Variants in NEK7 observed in about 807,000 individuals in gnomAD.
NEK7 encodes the protein serine/threonine-protein kinase Nek7.
NEK7 carries 18 observed loss-of-function variants against 44.6 expected under a neutral mutation model. The ratio of observed to expected loss-of-function variants is 0.40; its 90% CI spans 0.28 to 0.60. The LOEUF (loss-of-function observed/expected upper bound fraction) is 0.60. Ranked by LOEUF, NEK7 falls within the 20% of genes least tolerant of loss-of-function variation. The pLI is 0.38. For synonymous variants in NEK7, 130 were observed against 121.1 expected (o/e 1.07, Z -0.48); for missense variants, 256 against 366.5 (o/e 0.70, Z 2.46).
chr1:198,198,290 G>A, intron 1 of NEK7: 1 of 474,120 alleles, frequency 2.1e-6, no homozygotes. Context: ...CCACACACTA[G>A]GTGAAAATGT....
At chr1:198,185,019 C>T (rs12063856) in intron 1 of NEK7, among the ~76,000 whole-genome samples, 3 of 151,968 alleles carry the variant, frequency 2.0e-5, no homozygotes, top group Non-Finnish European at 4.4e-5. Flanking sequence ...TTTTGGGAGT[C>T]TTGTGGCAAG....
intron 1 of NEK7, among the ~76,000 whole-genome samples, chr1:198,205,048 C>G (rs1251329095): frequency 6.6e-6 from 1 of 151,004 alleles, no homozygotes; most frequent in Non-Finnish European, 1.5e-5. Context: ...TCCCCCCTTC[C>G]TTCTTCTCCT....
intron 2 of NEK7, among the ~76,000 whole-genome samples, chr1:198,252,451 A>G (rs1445577957): frequency 6.8e-6 from 1 of 147,558 alleles, no homozygotes; most frequent in Non-Finnish European, 1.5e-5. Context: ...TCTTATCTAA[A>G]AGTTCAGACT....
chr1:198,178,414 A>C (rs1353740892), intron 1 of NEK7, among the ~76,000 whole-genome samples: 12 of 152,052 alleles, frequency 7.9e-5, no homozygotes, highest in Non-Finnish European at 2.9e-5. Flanking sequence ...AAGCCTGCAA[A>C]AATTTGGCCC....
chr1:198,157,708 G>T (rs889931711), intron 1 of NEK7, among the ~76,000 whole-genome samples: 4 of 152,230 alleles, frequency 2.6e-5, no homozygotes, highest in Admixed American at 6.5e-5. Flanking sequence ...TTCGGCAGCA[G>T]CCCGACTTAG....
intron 7 of NEK7, among the ~76,000 whole-genome samples, chr1:198,288,345 G>A (rs1400713822): frequency 1.3e-5 from 2 of 152,242 alleles, no homozygotes; most frequent in Non-Finnish European, 2.9e-5. Flanking sequence ...ATTTAAATCA[G>A]CGTAGCTGCA....
chr1:198,174,150 A>G (rs940557128), intron 1 of NEK7, among the ~76,000 whole-genome samples: 1 of 152,262 alleles, frequency 6.6e-6, no homozygotes, highest in African/African-American at 2.4e-5. Flanking sequence ...GTTCTGAGAT[A>G]TAAAAATATA....
intron 1 of NEK7, among the ~76,000 whole-genome samples, chr1:198,160,035 G>T (rs1938373): frequency 0.15 from 22,590 of 151,606 alleles, 1,847 homozygotes; most frequent in East Asian, 0.23. Context: ...CAATTATTGC[G>T]CATTTACTGA....
chr1:198,216,524 A>G (rs1222425427), intron 1 of NEK7, among the ~76,000 whole-genome samples: 5 of 151,936 alleles, frequency 3.3e-5, no homozygotes, highest in Admixed American at 2.0e-4. Context: ...CCTTCTTCTT[A>G]GAGAGACAAG....
intron 7 of NEK7, among the ~76,000 whole-genome samples, chr1:198,291,443 A>G (rs1174175764): frequency 7.9e-5 from 12 of 152,216 alleles, no homozygotes; most frequent in Admixed American, 7.9e-4. Context: ...TTACACAGTA[A>G]TAATACAGAT....
rs71133919 is a variant in NEK7 at position 198,233,745 on chromosome 1, C to CTT, written c.57+1127_57+1128dup. On this transcript the variant is annotated intron_variant, in intron 2 of 9. Coordinates refer to ENST00000367385, the MANE Select transcript of NEK7 (RefSeq NM_133494.3). Reference sequence around the variant, plus strand: ...TCCAAACTTATTTGTCTATGGGATCCTTTTTTTTTTTTTTTTTTTTAGTGC... The same window carrying CTT: ...TCCAAACTTATTTGTCTATGGGATCCTTTTTTTTTTTTTTTTTTTTTTAGTGC... Among the ~76,000 whole-genome samples, 291 of 121,908 alleles carry CTT rather than the reference C, an allele frequency of 2.4e-3. 1 individual carries two copies. Among genetic ancestry groups the CTT allele is most frequent in the African/African-American group, 8.0e-3 (256 of 32,050 alleles). The allele number at this position is 121,908 out of a possible 152,430, so 80.0% of individuals were successfully genotyped here.
chr1:198,282,935 A>G (rs1312333819), intron 7 of NEK7, among the ~76,000 whole-genome samples: 3 of 152,158 alleles, frequency 2.0e-5, no homozygotes, highest in African/African-American at 7.2e-5. Flanking sequence ...AGGATGAATT[A>G]TTAGTGATAT....
intron 9 of NEK7, among the ~76,000 whole-genome samples, chr1:198,314,746 G>T (rs962709816): frequency 6.6e-6 from 1 of 152,220 alleles, no homozygotes. Flanking sequence ...AGGCTGCTCA[G>T]GGGTCAGGGG....
intron 7 of NEK7, among the ~76,000 whole-genome samples, chr1:198,292,571 T>C (rs950741655): frequency 4.6e-5 from 7 of 152,016 alleles, no homozygotes; most frequent in Non-Finnish European, 1.0e-4. Context: ...AAATAAATTA[T>C]CATGCTTAAT....
Position 198,216,456 on chromosome 1 carries a change from C to A in NEK7, c.-28-16097C>A, listed in dbSNP as rs140300528. Among the ~76,000 whole-genome samples, 7 of 152,042 alleles carry A rather than the reference C, an allele frequency of 4.6e-5. No homozygotes were observed. In the East Asian group the frequency reaches 1.4e-3, roughly 29 times the overall value. ...ACAGTGTTAAGAGGAAAGTTTATAGCGCTAAATATCTATATCAAAAAGTCT... is the reference window on the plus strand; with the variant it reads ...ACAGTGTTAAGAGGAAAGTTTATAGAGCTAAATATCTATATCAAAAAGTCT... On this transcript the variant is annotated intron_variant, in intron 1 of 9. Transcript: ENST00000367385.
intron 5 of NEK7, among the ~76,000 whole-genome samples, chr1:198,266,395 A>T (rs1198865174): frequency 6.6e-6 from 1 of 152,036 alleles, no homozygotes; most frequent in African/African-American, 2.4e-5. Flanking sequence ...TTTTTCATTT[A>T]TTAGACATTT....
chr1:198,296,846 T>C (rs1442775937), intron 8 of NEK7, among the ~76,000 whole-genome samples: 6 of 152,224 alleles, frequency 3.9e-5, no homozygotes. Flanking sequence ...TTATGTGTTA[T>C]TTTTCTTTAT....
intron 7 of NEK7, among the ~76,000 whole-genome samples, chr1:198,287,099 A>G (rs1654394842): frequency 6.6e-6 from 1 of 152,200 alleles, no homozygotes; most frequent in South Asian, 2.1e-4. Context: ...TTAATAGACT[A>G]ATTTAATAGA....
At chr1:198,188,376 G>A (rs1399095979) in intron 1 of NEK7, among the ~76,000 whole-genome samples, 2 of 152,148 alleles carry the variant, frequency 1.3e-5, no homozygotes, top group Admixed American at 1.3e-4. Context: ...CAGCATAGTA[G>A]TACCAGTTTT....
Sources: gnomAD v4.1 joint callset for allele counts (sites outside exome capture counted in the v4.1 genomes callset) on GRCh38, gnomAD v4.1.1 for gene constraint, MANE v1.5 for transcripts, NCBI Gene and HGNC (gene_info 2026-07-23, HGNC 2026-07-21) for gene names.